Variants in PARD3 observed in about 807,000 individuals in gnomAD.
PARD3 encodes partitioning defective 3 homolog.
A neutral mutation model predicts 155.4 loss-of-function variants in PARD3; 75 were observed. The observed-to-expected ratio is 0.48, with a 90% CI of 0.40 to 0.58. The LOEUF is 0.58. Ranked by LOEUF, PARD3 falls within the 20% of genes least tolerant of loss-of-function variation. The pLI is 0.00. For synonymous variants in PARD3, 576 were observed against 610.5 expected (o/e 0.94, Z 0.83); for missense variants, 1,642 against 1,721.7 (o/e 0.95, Z 0.82).
chr10:34,202,263 G>T (rs1189727796), intron 22 of PARD3, among the ~76,000 whole-genome samples: 1 of 152,144 alleles, frequency 6.6e-6, no homozygotes, highest in Non-Finnish European at 1.5e-5. Flanking sequence ...TATAAAGATG[G>T]GATCTCACTA....
intron 14 of PARD3, among the ~76,000 whole-genome samples, chr10:34,350,180 A>AT (rs1012435777): frequency 4.6e-5 from 7 of 152,154 alleles, no homozygotes; most frequent in African/African-American, 1.7e-4. Flanking sequence ...TCTTTTGATG[A>AT]TTTTTTGTTG....
chr10:34,606,415 C>G (rs1046371577), intron 2 of PARD3, among the ~76,000 whole-genome samples: 1 of 151,946 alleles, frequency 6.6e-6, no homozygotes, highest in Admixed American at 6.6e-5. Context: ...CTCCTCAAAT[C>G]TGCATGCTGT....
intron 22 of PARD3, among the ~76,000 whole-genome samples, chr10:34,250,155 CCA>C (rs1400336927): frequency 1.3e-5 from 2 of 151,432 alleles, no homozygotes; most frequent in African/African-American, 2.4e-5. Context: ...TGCTCCCCCT[CCA>C]CACACACACA....
rs187616606 is a variant in PARD3, at chr10:34,425,164, C to T, written c.715-23247G>A. Among the ~76,000 whole-genome samples the T allele has an allele frequency of 1.8e-3, 270 of 151,828 alleles. 1 individual carries two copies. The highest frequency in any genetic ancestry group is 2.0e-3 in the Non-Finnish European group (133 of 67,948). On this transcript the variant is annotated intron_variant, in intron 5 of 24. Transcript: ENST00000374788. ...ATAGCCTGCATTTAGAATATTTTTG[C>T]TCACCCTCCTAAGCGTTCTCTCTTT...
chr10:34,167,951 G>A (rs1949611627), intron 22 of PARD3, among the ~76,000 whole-genome samples: 1 of 152,104 alleles, frequency 6.6e-6, no homozygotes, highest in African/African-American at 2.4e-5. Context: ...AAAAAAAAGG[G>A]TGACCTCTGG....
chr10:34,413,138 T>TACACACACAC (rs879785568), intron 5 of PARD3, among the ~76,000 whole-genome samples: 144 of 93,618 alleles, frequency 1.5e-3, no homozygotes, highest in African/African-American at 5.2e-3. Flanking sequence ...GTACTTCAGA[T>TACACACACAC]ATATATACAC....
chr10:34,464,657 T>G (rs1211217945), intron 4 of PARD3, among the ~76,000 whole-genome samples: 1 of 152,178 alleles, frequency 6.6e-6, no homozygotes, highest in Non-Finnish European at 1.5e-5. Context: ...CAAATAAAGT[T>G]AAACATTAAC....
chr10:34,233,237 G>C (rs902036126), intron 22 of PARD3, among the ~76,000 whole-genome samples: 4 of 151,728 alleles, frequency 2.6e-5, no homozygotes, highest in Non-Finnish European at 5.9e-5. Context: ...TCTTAGGTCC[G>C]CTAGAAACAG....
intron 1 of PARD3, among the ~76,000 whole-genome samples, chr10:34,795,725 T>C (rs943901653): frequency 1.3e-5 from 2 of 152,024 alleles, no homozygotes; most frequent in Non-Finnish European, 2.9e-5. Flanking sequence ...AGAAACTCCA[T>C]CTCTGCTAAA....
chr10:34,261,785 G>C (rs200714218), intron 22 of PARD3, among the ~76,000 whole-genome samples: 1 of 37,024 alleles, frequency 2.7e-5, no homozygotes, highest in Non-Finnish European at 7.6e-5. Context: ...AGAAAGAAAA[G>C]AAAGAAAGAA....
chr10:34,470,813 A>T (rs893020083), intron 3 of PARD3, among the ~76,000 whole-genome samples: 57 of 152,346 alleles, frequency 3.7e-4, no homozygotes, highest in African/African-American at 1.3e-3. Flanking sequence ...ATAAAAACAC[A>T]GAATCTATAT....
At chr10:34,139,792 A>G (rs192000779) in intron 22 of PARD3, among the ~76,000 whole-genome samples, 1 of 152,344 alleles carries the variant, frequency 6.6e-6, no homozygotes, top group East Asian at 1.9e-4. Context: ...AGTGGATACA[A>G]ACAAGTTCTT....
In PARD3 at chr10:34,225,421, C is replaced by G. The variant is rs186893310; in HGVS notation, c.3419+44236G>C. Among the ~76,000 whole-genome samples, 780 of 151,988 alleles carry G rather than the reference C, an allele frequency of 5.1e-3. 20 individuals are homozygous for G. The highest frequency in any genetic ancestry group is 0.047 in the Admixed American group (718 of 15,260). On this transcript the variant is annotated intron_variant, in intron 22 of 24. Coordinates refer to ENST00000374788, the MANE Select transcript of PARD3 (RefSeq NM_001184785.2). ...AGTGCAGTGGCATGATCTCGGCTCA[C>G]TGCAACCTCCACCTCCCGGGTTCAA...
chr10:34,605,304 T>C (rs1344241870), intron 2 of PARD3, among the ~76,000 whole-genome samples: 1 of 141,648 alleles, frequency 7.1e-6, no homozygotes, highest in Non-Finnish European at 1.5e-5. Flanking sequence ...GCCATTCTCC[T>C]GCCTCAGCCT....
At chr10:34,119,560 G>A in intron 24 of PARD3, 53 bp downstream of exon 24, 1 of 1,533,512 alleles carries the variant, frequency 6.5e-7, no homozygotes, top group Non-Finnish European at 8.9e-7. Flanking sequence ...CTAAAGGGCG[G>A]GGGATCTTAA....
chr10:34,282,862 T>C (rs1956221049), intron 21 of PARD3, among the ~76,000 whole-genome samples: 1 of 152,126 alleles, frequency 6.6e-6, no homozygotes, highest in Admixed American at 6.5e-5. Flanking sequence ...GTGAATTTAC[T>C]AATAAGTTTG....
chr10:34,629,440 T>C (rs1165577431), intron 2 of PARD3, among the ~76,000 whole-genome samples: 1 of 152,240 alleles, frequency 6.6e-6, no homozygotes, highest in African/African-American at 2.4e-5. Flanking sequence ...TACACGTGTA[T>C]GTGTGTGCAT....
chr10:34,573,926 T>C (rs1411553282), intron 2 of PARD3, among the ~76,000 whole-genome samples: 1 of 152,184 alleles, frequency 6.6e-6, no homozygotes, highest in Non-Finnish European at 1.5e-5. Context: ...TGTGAAGGCA[T>C]TTGTTTCCAG....
chr10:34,588,048 C>A (rs1170820972), intron 2 of PARD3, among the ~76,000 whole-genome samples: 5 of 152,172 alleles, frequency 3.3e-5, no homozygotes, highest in Non-Finnish European at 7.3e-5. Context: ...TAACCTCCAC[C>A]CCTTCCAGGC....
Sources: gnomAD v4.1 joint callset for allele counts (sites outside exome capture counted in the v4.1 genomes callset) on GRCh38, gnomAD v4.1.1 for gene constraint, MANE v1.5 for transcripts, NCBI Gene and HGNC (gene_info 2026-07-23, HGNC 2026-07-21) for gene names.